Variants in DYNC2H1 observed in about 807,000 individuals in gnomAD.
DYNC2H1 encodes cytoplasmic dynein 2 heavy chain 1.
In DYNC2H1, 410 loss-of-function variants were observed where a neutral mutation model predicts 570.0. That is an observed-to-expected ratio of 0.72 (90% CI 0.66 to 0.78). DYNC2H1 has a LOEUF of 0.78. DYNC2H1 is among the 30% of genes least tolerant of loss of function. The probability of loss-of-function intolerance (pLI) is 0.00; values close to 1 mark genes in which losing one functional copy is unlikely to be tolerated. For missense variants in DYNC2H1, 4,865 were observed against 5,046.4 expected (o/e 0.96, Z 1.09); for synonymous variants, 1,688 against 1,677.6 (o/e 1.01, Z -0.15).
chr11:103,165,790 G>C (rs1861281283), intron 30 of DYNC2H1, 108 bp from the exon 31 acceptor site: 1 of 813,126 alleles, frequency 1.2e-6, no homozygotes. Flanking sequence ...AAGATGGAGA[G>C]ATCCAATATA....
chr11:103,393,759 T>C (rs926370667), intron 83 of DYNC2H1, among the ~76,000 whole-genome samples: 7 of 151,786 alleles, frequency 4.6e-5, no homozygotes, highest in Non-Finnish European at 8.8e-5. Context: ...AAGAAAGAGG[T>C]TTAATGAACT....
chr11:103,223,148 T>A, intron 59 of DYNC2H1, 62 bp downstream of exon 59: 1 of 1,383,146 alleles, frequency 7.2e-7, no homozygotes, highest in Non-Finnish European at 9.5e-7. Context: ...GATGAGGTTT[T>A]AATAATTATT....
chr11:103,371,837 CAGTTTTTGGTGG>C (rs1941158155), intron 83 of DYNC2H1, among the ~76,000 whole-genome samples: 1 of 150,012 alleles, frequency 6.7e-6, no homozygotes, highest in East Asian at 1.9e-4. Flanking sequence ...TTTCTTCTCA[CAGTTTTTGGTGG>C]AGTCTTTAGA....
chr11:103,386,626 A>T (rs1941886778), intron 83 of DYNC2H1, among the ~76,000 whole-genome samples: 1 of 151,976 alleles, frequency 6.6e-6, no homozygotes, highest in Non-Finnish European at 1.5e-5. Context: ...CGTTAGATAT[A>T]TCTCCTAATG....
At chr11:103,250,519 C>T (rs1864788867) in intron 65 of DYNC2H1, among the ~76,000 whole-genome samples, 1 of 152,092 alleles carries the variant, frequency 6.6e-6, no homozygotes, top group Non-Finnish European at 1.5e-5. Flanking sequence ...TGGAATCCCA[C>T]TATCTAATGT....
At chr11:103,477,324 A>G (rs1472974712) in intron 88 of DYNC2H1, among the ~76,000 whole-genome samples, 1 of 152,174 alleles carries the variant, frequency 6.6e-6, no homozygotes. Flanking sequence ...GGGCTTCTGA[A>G]GTGTCACTTT....
At chr11:103,292,737 T>A (rs1457800042) in intron 75 of DYNC2H1, among the ~76,000 whole-genome samples, 2 of 152,202 alleles carry the variant, frequency 1.3e-5, no homozygotes, top group Non-Finnish European at 1.5e-5. Context: ...CTCTTGCTCC[T>A]CCTTTTGCCA....
rs112813964 is a variant in DYNC2H1, at chr11:103,305,581, A to T, written c.11382+861A>T. Among the ~76,000 whole-genome samples the T allele has an allele frequency of 1.3e-5, 2 of 152,062 alleles. No homozygotes were observed. The highest frequency in any genetic ancestry group is 2.9e-5 in the Non-Finnish European group (2 of 68,012). On this transcript the variant is annotated intron_variant, in intron 77 of 88. Transcript: ENST00000375735. This position sits in a 1 kb window ranked among gnomAD's most constrained non-coding sequence, Gnocchi z 4.3. ...AAGTTAGTAATTAATTAATTAATTA[A>T]TTTTTTCTGGCAGTGGTATATAGAA...
rs1257510931 is a variant in DYNC2H1, at chr11:103,138,964, T to G, written c.2574+3016T>G. On this transcript the variant is annotated intron_variant, in intron 17 of 88. Transcript: ENST00000375735. ...TGGGAGGGTGTATGTGTCGAGGAAT[T>G]TATCCATTTCTTCTAGATTTTCTAG... Among the ~76,000 whole-genome samples the G allele has an allele frequency of 9.2e-5, 14 of 151,898 alleles. No homozygotes were observed. In the East Asian group the frequency reaches 9.7e-4, roughly 10 times the overall value.
intron 70 of DYNC2H1, among the ~76,000 whole-genome samples, chr11:103,262,301 G>C (rs1865330647): frequency 6.6e-6 from 1 of 152,152 alleles, no homozygotes; most frequent in Non-Finnish European, 1.5e-5. Context: ...AGGAGAACTT[G>C]CCCAGCCTGG....
Position 103,134,405 on chromosome 11 carries a change from A to C in DYNC2H1, c.2191A>C (p.Thr731Pro), listed in dbSNP as rs1390016982. 2 of 1,610,688 alleles carry C rather than the reference A, an allele frequency of 1.2e-6. No individual in the cohort carries two copies. The highest frequency in any genetic ancestry group is 1.7e-6 in the Non-Finnish European group (2 of 1,178,014). The part of the protein sequence containing the change: ...GLQELRTGLA[T>P]VEAQGFQASD... ...ACAAGAATTGAGAACTGGCTTAGCA[A>C]CTGTAGAAGCACAGGTAGAGTATGT... Residue 731 changes from threonine (T) to proline (P), a missense_variant, in exon 15 of 89, where the codon ACT becomes CCT. Thr to Pro is a conservative substitution (Grantham distance 38, BLOSUM62 -1). Around this residue, in one of 5 missense-constraint regions of DYNC2H1, gnomAD observed 1,936 missense variants for 1,962.1 expected, o/e 0.99. Coordinates refer to ENST00000375735, the MANE Select transcript of DYNC2H1 (RefSeq NM_001377.3).
rs1555076328 is a variant in DYNC2H1 at position 103,233,830 on chromosome 11, A to ATATGTG, written c.9441-203_9441-202insATGTGT. The stretch of plus-strand genomic sequence containing the variant: ...TTTGAGGTAGAGAATGCTACACTTT[A>ATATGTG]TGTGTGTGTGTGTGTGTGTGTGTGT... On this transcript the variant is annotated intron_variant, in intron 60 of 88. Transcript: ENST00000375735. Among the ~76,000 whole-genome samples, 3,645 of 75,794 alleles carry ATATGTG rather than the reference A, an allele frequency of 0.048. 114 individuals are homozygous for ATATGTG. Among genetic ancestry groups the ATATGTG allele is most frequent in the East Asian group, 0.08 (241 of 3,002 alleles). 49.7% of individuals were successfully genotyped at this position (75,794 alleles called of 152,430 possible).
intron 47 of DYNC2H1, among the ~76,000 whole-genome samples, chr11:103,195,613 G>A (rs539799943): frequency 7.8e-4 from 118 of 152,226 alleles, no homozygotes; most frequent in African/African-American, 2.8e-3. Context: ...AATTGTTTTA[G>A]CTATTTCTGT....
Position 103,309,168 on chromosome 11 carries a change from A to ATTTTTTTTTTTTTTTTTTTTTTTTTT in DYNC2H1, c.11493+1361_11493+1362insTTTTTTTTTTTTTTTTTTTTTTTTTT, listed in dbSNP as rs386374721. On this transcript the variant is annotated intron_variant, in intron 78 of 88. Transcript: ENST00000375735. ...TTATTAGTGTTTGTAACTGCATGCT[A>ATTTTTTTTTTTTTTTTTTTTTTTTTT]TTTTTTTTTTTTTTTTTTTTTTTTG... Among the ~76,000 whole-genome samples, 286 of 54,632 alleles carry ATTTTTTTTTTTTTTTTTTTTTTTTTT rather than the reference A, an allele frequency of 5.2e-3. 65 individuals are homozygous for ATTTTTTTTTTTTTTTTTTTTTTTTTT. Among genetic ancestry groups the ATTTTTTTTTTTTTTTTTTTTTTTTTT allele is most frequent in the East Asian group, 0.01 (20 of 1,954 alleles). 35.8% of individuals were successfully genotyped at this position (54,632 alleles called of 152,430 possible).
chr11:103,473,834 C>T (rs1945466941), intron 88 of DYNC2H1, among the ~76,000 whole-genome samples: 1 of 152,162 alleles, frequency 6.6e-6, no homozygotes. Flanking sequence ...CCAGCCTGAA[C>T]CCATGAGGCT....
At position 103,451,430 on chromosome 11, in the gene DYNC2H1, T is replaced by C. The variant is rs1944599879; in HGVS notation, c.12457-3756T>C. 2.7e-5 allele frequency among the ~76,000 whole-genome samples: 4 copies of C among 147,460 alleles called. No individual in the cohort carries two copies. In the South Asian group the frequency reaches 8.6e-4, roughly 32 times the overall value. ...TCACTGCAACCTCCGCCTCCCAGGTTCAAGCGATTCTCCTGCCTCAGTCTC... is the reference window on the plus strand; with the variant it reads ...TCACTGCAACCTCCGCCTCCCAGGTCCAAGCGATTCTCCTGCCTCAGTCTC... On this transcript the variant is annotated intron_variant, in intron 85 of 88. Coordinates refer to ENST00000375735, the MANE Select transcript of DYNC2H1 (RefSeq NM_001377.3).
chr11:103,182,658 A>G lies in DYNC2H1; in HGVS notation c.6477+772A>G, dbSNP rs1314740701. The stretch of plus-strand genomic sequence containing the variant: ...ATTTGAAATGTGAAAAAAGTTTAGC[A>G]TGCAAAGAAGACCGTGGAGGGTGTT... On this transcript the variant is annotated intron_variant, in intron 40 of 88. Coordinates refer to ENST00000375735, the MANE Select transcript of DYNC2H1 (RefSeq NM_001377.3). Among the ~76,000 whole-genome samples, 6 of 152,000 alleles carry G rather than the reference A, an allele frequency of 3.9e-5. No individual in the cohort carries two copies. The East Asian group carries it at 1.2e-3, about 29-fold the overall frequency.
intron 82 of DYNC2H1, among the ~76,000 whole-genome samples, chr11:103,338,923 T>G (rs185614131): frequency 3.3e-5 from 5 of 152,200 alleles, no homozygotes; most frequent in African/African-American, 1.2e-4. Context: ...TATTTATTTC[T>G]GTCTTTGTGT....
intron 83 of DYNC2H1, among the ~76,000 whole-genome samples, chr11:103,390,850 T>G (rs1653114380): frequency 6.6e-6 from 1 of 152,228 alleles, no homozygotes; most frequent in South Asian, 2.1e-4. Context: ...CTTGTAGAGT[T>G]TCTGCCAAGA....
Sources: gnomAD v4.1 joint callset for allele counts (sites outside exome capture counted in the v4.1 genomes callset) on GRCh38, gnomAD v4.1.1 for gene constraint, gnomAD v4.1.1 regional missense constraint, Gnocchi (gnomAD v3.1) non-coding constraint, MANE v1.5 for transcripts, NCBI Gene and HGNC (gene_info 2026-07-23, HGNC 2026-07-21) for gene names.